RAPGEF4: variants seen among roughly 807,000 people sequenced by gnomAD.
The protein encoded by RAPGEF4 is Rap guanine nucleotide exchange factor 4.
RAPGEF4 carries 66 observed loss-of-function variants against 147.9 expected under a neutral mutation model. That is an observed-to-expected ratio of 0.45 (90% CI 0.37 to 0.55). The LOEUF is 0.55. RAPGEF4 is among the 20% of genes least tolerant of loss of function. The probability of loss-of-function intolerance (pLI) is 0.00; values close to 1 mark genes in which losing one functional copy is unlikely to be tolerated. For synonymous variants in RAPGEF4, 419 were observed against 442.7 expected (o/e 0.95, Z 0.67); for missense variants, 1,071 against 1,257.3 (o/e 0.85, Z 2.24).
At chr2:172,932,126 CCTT>C (rs1686061247) in intron 6 of RAPGEF4, among the ~76,000 whole-genome samples, 1 of 152,026 alleles carries the variant, frequency 6.6e-6, no homozygotes, top group Admixed American at 6.6e-5. Context: ...GCATGTCTAA[CCTT>C]CAAGTTTTAG....
At chr2:172,757,437 T>A (rs904501238) in intron 1 of RAPGEF4, among the ~76,000 whole-genome samples, 1 of 152,222 alleles carries the variant, frequency 6.6e-6, no homozygotes, top group African/African-American at 2.4e-5. Flanking sequence ...CAGTGCTGTT[T>A]TTAAAGTTCT....
chr2:172,758,226 T>C (rs1386916089), intron 1 of RAPGEF4, among the ~76,000 whole-genome samples: 7 of 152,008 alleles, frequency 4.6e-5, no homozygotes, highest in African/African-American at 1.7e-4. Flanking sequence ...TGGGTGCGTG[T>C]GTAGGTTGTT....
chr2:173,021,593 C>CAAAGA (rs947106284), intron 23 of RAPGEF4, among the ~76,000 whole-genome samples: 5 of 151,900 alleles, frequency 3.3e-5, no homozygotes, highest in Non-Finnish European at 7.4e-5. Context: ...GCCTCAAAAA[C>CAAAGA]AAAGAAAAGA....
intron 4 of RAPGEF4, among the ~76,000 whole-genome samples, chr2:172,817,880 A>G (rs1226475383): frequency 1.0e-4 from 3 of 29,608 alleles, no homozygotes; most frequent in African/African-American, 2.6e-4. Flanking sequence ...ATTGTGATAT[A>G]TATATATATA....
intron 4 of RAPGEF4, among the ~76,000 whole-genome samples, chr2:172,832,382 G>A (rs1690458875): frequency 6.6e-6 from 1 of 152,112 alleles, no homozygotes. Context: ...CATAATTTGT[G>A]GGGCCCAGTG....
At chr2:172,986,778 T>C (rs1327019784) in intron 12 of RAPGEF4, among the ~76,000 whole-genome samples, 1 of 151,908 alleles carries the variant, frequency 6.6e-6, no homozygotes, top group South Asian at 2.1e-4. Flanking sequence ...ACTGCAACCT[T>C]CACCTCCCAG....
chr2:172,970,401 C>G (rs1052709045), intron 10 of RAPGEF4, among the ~76,000 whole-genome samples: 1 of 152,126 alleles, frequency 6.6e-6, no homozygotes, highest in African/African-American at 2.4e-5. Context: ...AATGTGGAGG[C>G]ATGAGATGCA....
rs569528250 is a variant in RAPGEF4, at chr2:172,817,337, G to A, written c.444+2912G>A. ...TTTGAATGTTGATGATCTATACATG[G>A]CATATATAGCGCTAATCTGCTTGCA... On this transcript the variant is annotated intron_variant, in intron 4 of 30. Coordinates refer to ENST00000397081, the MANE Select transcript of RAPGEF4 (RefSeq NM_007023.4). Among the ~76,000 whole-genome samples, 271 of 152,264 alleles carry A rather than the reference G, an allele frequency of 1.8e-3. 1 individual carries two copies. Among genetic ancestry groups the A allele is most frequent in the Middle Eastern group, 0.01 (3 of 294 alleles).
At chr2:172,833,077 G>A (rs371196582) in intron 4 of RAPGEF4, among the ~76,000 whole-genome samples, 2 of 149,208 alleles carry the variant, frequency 1.3e-5, no homozygotes, top group African/African-American at 2.4e-5. Flanking sequence ...GGTAACACAC[G>A]CCTGTAATCC....
At chr2:172,906,708 G>C (rs1037503431) in intron 4 of RAPGEF4, among the ~76,000 whole-genome samples, 4 of 152,198 alleles carry the variant, frequency 2.6e-5, no homozygotes, top group Non-Finnish European at 5.9e-5. Context: ...GCAGCTTGGA[G>C]AACACCCAGA....
chr2:172,953,494 GAGAC>G (rs1353834547), intron 6 of RAPGEF4, among the ~76,000 whole-genome samples: 2 of 151,680 alleles, frequency 1.3e-5, no homozygotes, highest in East Asian at 3.9e-4. Context: ...TCTCTAGAGA[GAGAC>G]AGACAGAGAG....
At chr2:172,841,258 A>C (rs888791068) in intron 4 of RAPGEF4, among the ~76,000 whole-genome samples, 1 of 152,144 alleles carries the variant, frequency 6.6e-6, no homozygotes, top group African/African-American at 2.4e-5. Flanking sequence ...CTGGTTCTTG[A>C]AAAGAGCCTA....
chr2:172,981,036 A>T (rs1691628677), intron 10 of RAPGEF4, among the ~76,000 whole-genome samples: 1 of 152,200 alleles, frequency 6.6e-6, no homozygotes, highest in African/African-American at 2.4e-5. Context: ...CTAACCTCAT[A>T]GAGATCTGCT....
intron 4 of RAPGEF4, among the ~76,000 whole-genome samples, chr2:172,873,506 T>C (rs892511525): frequency 6.6e-6 from 1 of 152,168 alleles, no homozygotes; most frequent in African/African-American, 2.4e-5. Context: ...CTACCCTCTT[T>C]CCTAATTCAA....
chr2:172,934,403 A>G (rs1686323687), intron 6 of RAPGEF4, among the ~76,000 whole-genome samples: 2 of 152,080 alleles, frequency 1.3e-5, no homozygotes, highest in Admixed American at 6.6e-5. Flanking sequence ...CACCTGCCTC[A>G]GCCTCCCAAA....
At chr2:172,739,725 T>A (rs1479130056) in intron 1 of RAPGEF4, among the ~76,000 whole-genome samples, 2 of 152,220 alleles carry the variant, frequency 1.3e-5, no homozygotes, top group South Asian at 2.1e-4. Flanking sequence ...ATTTGCCAAC[T>A]GTGAACTTCA....
chr2:172,798,458 A>G (rs1211217702), intron 3 of RAPGEF4, among the ~76,000 whole-genome samples: 3 of 152,152 alleles, frequency 2.0e-5, no homozygotes, highest in African/African-American at 7.2e-5. Flanking sequence ...AAAGGCCACC[A>G]TCAGGTATCA....
intron 2 of RAPGEF4, among the ~76,000 whole-genome samples, chr2:172,796,035 C>A (rs1158479080): frequency 6.6e-6 from 1 of 152,214 alleles, no homozygotes; most frequent in Admixed American, 6.5e-5. Flanking sequence ...GCCAGAAATG[C>A]ATCACATGCC....
rs1430605911 is a variant in RAPGEF4 at position 172,811,879 on chromosome 2, T to C, written c.298-2400T>C. Among the ~76,000 whole-genome samples, 8 of 152,342 alleles carry C rather than the reference T, an allele frequency of 5.3e-5. No homozygotes were observed. The East Asian group carries it at 1.2e-3, about 22-fold the overall frequency. Reference sequence around the variant, plus strand: ...ATTTGAAAATTACTCTCGCAGCACATTGCAAGGCCCTGCCTGTGATTTAAA... The same window carrying C: ...ATTTGAAAATTACTCTCGCAGCACACTGCAAGGCCCTGCCTGTGATTTAAA... On this transcript the variant is annotated intron_variant, in intron 3 of 30. Transcript: ENST00000397081.
Sources: gnomAD v4.1 joint callset for allele counts (sites outside exome capture counted in the v4.1 genomes callset) on GRCh38, gnomAD v4.1.1 for gene constraint, MANE v1.5 for transcripts, NCBI Gene and HGNC (gene_info 2026-07-23, HGNC 2026-07-21) for gene names.